The following MAP4 variants were observed in gnomAD, a reference collection of about 807,000 sequenced individuals.
MAP4 encodes microtubule associated protein 4.
In MAP4, 76 loss-of-function variants were observed where a neutral mutation model predicts 170.2. The ratio of observed to expected loss-of-function variants is 0.45; its 90% CI spans 0.37 to 0.54. The LOEUF (loss-of-function observed/expected upper bound fraction) is 0.54, where lower values mean the gene tolerates loss of function less well. Among genes scored for constraint, MAP4 ranks in the 20% least tolerant of loss-of-function variants. The pLI is 0.00. For missense variants in MAP4, 2,506 were observed against 2,748.0 expected (o/e 0.91, Z 1.97); for synonymous variants, 909 against 994.5 (o/e 0.91, Z 1.62).
intron 1 of MAP4, among the ~76,000 whole-genome samples, chr3:48,008,144 T>C (rs1189974916): frequency 1.3e-5 from 2 of 152,152 alleles, no homozygotes; most frequent in East Asian, 3.9e-4. Context: ...AAGTGGTATA[T>C]ACGTGATCGG....
intron 1 of MAP4, among the ~76,000 whole-genome samples, chr3:48,061,777 C>T (rs1353850392): frequency 4.6e-4 from 57 of 124,136 alleles, no homozygotes; most frequent in Middle Eastern, 9.2e-3. Flanking sequence ...CCAGCCGCCC[C>T]GTCCGGGAGG....
chr3:47,992,622 C>T (rs1360050808), intron 2 of MAP4, among the ~76,000 whole-genome samples: 1 of 151,968 alleles, frequency 6.6e-6, no homozygotes, highest in African/African-American at 2.4e-5. Context: ...ATGGTATCTT[C>T]AACAAGTTCG....
chr3:48,036,214 A>G (rs1359457680), intron 1 of MAP4, among the ~76,000 whole-genome samples: 2 of 152,134 alleles, frequency 1.3e-5, no homozygotes, highest in Non-Finnish European at 2.9e-5. Flanking sequence ...CATTCAACAG[A>G]CTGAAAAGTC....
intron 1 of MAP4, among the ~76,000 whole-genome samples, chr3:48,052,913 A>T (rs371494094): frequency 1.3e-5 from 2 of 152,358 alleles, no homozygotes; most frequent in East Asian, 3.9e-4. Flanking sequence ...TCAATAACAC[A>T]TCTCAAATTT....
intron 3 of MAP4, among the ~76,000 whole-genome samples, chr3:47,945,239 C>A (rs2100059053): frequency 6.6e-6 from 1 of 151,914 alleles, no homozygotes; most frequent in Non-Finnish European, 1.5e-5. Context: ...GCAGTCCCAG[C>A]TACTCGGGAG....
chr3:48,071,211 AG>A (rs751672863), intron 1 of MAP4, among the ~76,000 whole-genome samples: 10 of 152,200 alleles, frequency 6.6e-5, no homozygotes, highest in Non-Finnish European at 1.0e-4. Flanking sequence ...AGTGAATAAG[AG>A]GGAAAGGAAA....
chr3:48,051,446 T>C (rs2100127813), intron 1 of MAP4, among the ~76,000 whole-genome samples: 1 of 152,136 alleles, frequency 6.6e-6, no homozygotes, highest in African/African-American at 2.4e-5. Context: ...CCTTTTCAAG[T>C]CAACCAAACC....
At chr3:47,884,316 T>C (rs1023696799) in intron 10 of MAP4, among the ~76,000 whole-genome samples, 1 of 152,218 alleles carries the variant, frequency 6.6e-6, no homozygotes, top group Admixed American at 6.5e-5. Flanking sequence ...ATTTTTCATA[T>C]TGACAATTAA....
Position 47,955,080 on chromosome 3 carries a change from T to G in MAP4, c.292+22785A>C, listed in dbSNP as rs376232495. Among the ~76,000 whole-genome samples, 8 of 152,318 alleles carry G rather than the reference T, an allele frequency of 5.3e-5. 1 individual carries two copies. Among genetic ancestry groups the G allele is most frequent in the Admixed American group, 4.6e-4 (7 of 15,300 alleles). ...GGTAGTGATACCTATTATATCTTGA[T>G]TTAACTCGCCAGTTTGTCCTGTGCA... On this transcript the variant is annotated intron_variant, in intron 3 of 20. Transcript: ENST00000683076.
chr3:47,896,443 C>T (rs1371508330), intron 10 of MAP4, among the ~76,000 whole-genome samples: 1 of 152,088 alleles, frequency 6.6e-6, no homozygotes, highest in Non-Finnish European at 1.5e-5. Flanking sequence ...GCAGGAGAAT[C>T]GCTTGAACCC....
chr3:48,037,145 A>G (rs1478970759), intron 1 of MAP4, among the ~76,000 whole-genome samples: 1 of 152,190 alleles, frequency 6.6e-6, no homozygotes, highest in African/African-American at 2.4e-5. Flanking sequence ...TAAAGTTCTG[A>G]GGAAAGTAAA....
chr3:47,897,774 T>C (rs1232045946), intron 10 of MAP4, among the ~76,000 whole-genome samples: 1 of 151,322 alleles, frequency 6.6e-6, no homozygotes, highest in African/African-American at 2.4e-5. Context: ...CTGTCTCCAC[T>C]AAAAAAAGAT....
At chr3:48,073,185 G>A (rs2100141848) in intron 1 of MAP4, among the ~76,000 whole-genome samples, 1 of 151,576 alleles carries the variant, frequency 6.6e-6, no homozygotes, top group Admixed American at 6.6e-5. Context: ...ACTCCAGCCT[G>A]GGCAACAGAG....
rs753942479 is a variant in MAP4, at chr3:47,852,817, C to A, written c.*117G>T. ...CTAGTGGACAGCCCGGGAAAGGGGG[C>A]CAAGGACCCGGGAGCCCGAGTTGGG... On this transcript the variant is annotated 3_prime_UTR_variant, in exon 21 of 21. Coordinates refer to ENST00000683076, the MANE Select transcript of MAP4 (RefSeq NM_001385682.1). The A allele has an allele frequency of 1.6e-5, 25 of 1,550,544 alleles. No individual in the cohort carries two copies. The highest frequency in any genetic ancestry group is 2.1e-5 in the Non-Finnish European group (24 of 1,147,252).
At chr3:47,934,374 C>G (rs769052634) in intron 3 of MAP4, among the ~76,000 whole-genome samples, 1 of 152,170 alleles carries the variant, frequency 6.6e-6, no homozygotes, top group Non-Finnish European at 1.5e-5. Context: ...TTGATCTCAG[C>G]TCACCCTAAA....
At chr3:47,905,553 A>G (rs2100032474) in intron 9 of MAP4, among the ~76,000 whole-genome samples, 1 of 151,900 alleles carries the variant, frequency 6.6e-6, no homozygotes, top group Non-Finnish European at 1.5e-5. Context: ...AACAAAAAAA[A>G]AAAACCCCAC....
chr3:48,029,889 T>G (rs2100115066), intron 1 of MAP4, among the ~76,000 whole-genome samples: 1 of 150,946 alleles, frequency 6.6e-6, no homozygotes, highest in South Asian at 2.1e-4. Flanking sequence ...TCCCAGCTAC[T>G]CAGGAGGCTG....
chr3:48,027,175 T>C (rs537272369), intron 1 of MAP4, among the ~76,000 whole-genome samples: 2 of 152,216 alleles, frequency 1.3e-5, no homozygotes, highest in Non-Finnish European at 2.9e-5. Flanking sequence ...TAAATGGTCA[T>C]TGTTTCACAG....
intron 20 of MAP4, 85 bp downstream of exon 20, chr3:47,853,078 C>T (rs1436533408): frequency 5.0e-6 from 8 of 1,614,068 alleles, no homozygotes; most frequent in Non-Finnish European, 5.9e-6. Flanking sequence ...ATTTAGGCCA[C>T]ACTCTAGTCA....
Sources: allele counts gnomAD v4.1 joint callset (sites outside exome capture counted in the v4.1 genomes callset), GRCh38; gene constraint gnomAD v4.1.1; transcripts MANE v1.5; gene names NCBI Gene and HGNC (gene_info 2026-07-23, HGNC 2026-07-21).